The following POU2F1 variants were observed in gnomAD, a reference collection of about 807,000 sequenced individuals.
The protein encoded by POU2F1 is POU domain, class 2, transcription factor 1.
Under a neutral mutation model 84.9 loss-of-function variants are expected in POU2F1, and 16 were observed. The observed-to-expected ratio is 0.19, with a 90% CI of 0.13 to 0.29. The LOEUF is 0.29. Among genes scored for constraint, POU2F1 ranks in the 10% least tolerant of loss-of-function variants. The pLI, the probability that POU2F1 is intolerant of heterozygous loss-of-function variation, is 1.00. For missense variants in POU2F1, 738 were observed against 942.6 expected (o/e 0.78, Z 2.84); for synonymous variants, 368 against 368.3 (o/e 1.00, Z 0.01).
intron 9 of POU2F1, among the ~76,000 whole-genome samples, chr1:167,395,772 T>G (rs147379414): frequency 6.6e-6 from 1 of 152,106 alleles, no homozygotes; most frequent in Non-Finnish European, 1.5e-5. Flanking sequence ...ACCTGCCTAA[T>G]ATTTGTATTT....
intron 2 of POU2F1, among the ~76,000 whole-genome samples, chr1:167,360,964 T>G (rs985664722): frequency 7.2e-5 from 11 of 152,076 alleles, no homozygotes; most frequent in Non-Finnish European, 8.8e-5. Flanking sequence ...ATTTTTTATT[T>G]TTTTCAATTT....
chr1:167,391,519 G>A (rs1219900745), intron 9 of POU2F1, among the ~76,000 whole-genome samples: 1 of 146,188 alleles, frequency 6.8e-6, no homozygotes, highest in Admixed American at 6.8e-5. Context: ...TGTACTATGG[G>A]TGTTTTTAAG....
rs76743336 is a variant in POU2F1 at position 167,247,554 on chromosome 1, G to A, written c.61+26596G>A. Among the ~76,000 whole-genome samples, 8 of 152,102 alleles carry A rather than the reference G, an allele frequency of 5.3e-5. No homozygotes were observed. In the East Asian group the frequency reaches 1.2e-3, roughly 22 times the overall value. On this transcript the variant is annotated intron_variant, in intron 1 of 15. Transcript: ENST00000367866. Reference sequence around the variant, plus strand: ...ATCCCCACTTGAGTTTCAGTTTTGAGCTATATAGTACTTACTAGGCTTCTA... The same window carrying A: ...ATCCCCACTTGAGTTTCAGTTTTGAACTATATAGTACTTACTAGGCTTCTA...
intron 4 of POU2F1, among the ~76,000 whole-genome samples, chr1:167,371,532 A>G (rs1449724281): frequency 1.3e-5 from 2 of 152,184 alleles, no homozygotes; most frequent in Non-Finnish European, 2.9e-5. Context: ...GAGATGGTAT[A>G]TGGAGAAGTT....
Position 167,388,275 on chromosome 1 carries a change from G to A in POU2F1, c.814-1313G>A, listed in dbSNP as rs1446250310. Among the ~76,000 whole-genome samples, 8 of 152,130 alleles carry A rather than the reference G, an allele frequency of 5.3e-5. No homozygotes were observed. The South Asian group carries it at 8.3e-4, about 16-fold the overall frequency. On this transcript the variant is annotated intron_variant, in intron 8 of 15. Coordinates refer to ENST00000367866, the MANE Select transcript of POU2F1 (RefSeq NM_002697.4). ...AGAGAAATACAAATTAAAGCAGCAG[G>A]GAACTACCATTTACTTCTTGAATTA...
chr1:167,249,402 G>A (rs2102399562), intron 1 of POU2F1, among the ~76,000 whole-genome samples: 1 of 152,356 alleles, frequency 6.6e-6, no homozygotes, highest in Non-Finnish European at 1.5e-5. Flanking sequence ...TTGCTAGGCA[G>A]TGTAGGGTTA....
At chr1:167,221,439 TG>T (rs1648165142) in intron 1 of POU2F1, among the ~76,000 whole-genome samples, 1 of 113,302 alleles carries the variant, frequency 8.8e-6, no homozygotes, top group African/African-American at 3.3e-5. Context: ...GGGCGCGGGG[TG>T]GGGGGCGTGA....
rs1449574077 is a variant in POU2F1, at chr1:167,423,228, T to G, written c.*7418T>G. ...CCTATAAATGTTTTGTTCCAAATGT[T>G]TTTATATATGGGCTCTAGGGAGTCA... is the stretch of plus-strand genomic sequence containing the variant. On this transcript the variant is annotated 3_prime_UTR_variant, in exon 16 of 16. Transcript: ENST00000367866. 1 of 152,188 alleles carries G rather than the reference T, an allele frequency of 6.6e-6. No homozygotes were observed. The highest frequency in any genetic ancestry group is 2.4e-5 in the African/African-American group (1 of 41,464). 9.4% of individuals were successfully genotyped at this position (152,188 alleles called of 1,614,324 possible).
intron 7 of POU2F1, among the ~76,000 whole-genome samples, chr1:167,377,528 A>C (rs1356531645): frequency 6.6e-6 from 1 of 152,216 alleles, no homozygotes; most frequent in Non-Finnish European, 1.5e-5. Context: ...CAGAGCTTGC[A>C]GTGAGCCAAG....
intron 1 of POU2F1, among the ~76,000 whole-genome samples, chr1:167,307,130 A>G (rs1211477924): frequency 6.6e-6 from 1 of 152,218 alleles, no homozygotes; most frequent in Non-Finnish European, 1.5e-5. Flanking sequence ...TTTCTAAAAT[A>G]TTAATAGAAT....
At chr1:167,283,314 A>G (rs1424467475) in intron 1 of POU2F1, among the ~76,000 whole-genome samples, 1 of 152,152 alleles carries the variant, frequency 6.6e-6, no homozygotes, top group Non-Finnish European at 1.5e-5. Flanking sequence ...GAGGAAAAAA[A>G]AAAGAGGAAG....
intron 1 of POU2F1, among the ~76,000 whole-genome samples, chr1:167,307,346 C>G (rs1402340308): frequency 1.3e-5 from 2 of 151,908 alleles, no homozygotes; most frequent in African/African-American, 2.4e-5. Flanking sequence ...CAAGAGCAAT[C>G]TGACAGTGGA....
At chr1:167,373,240 T>C (rs1179030891) in intron 5 of POU2F1, among the ~76,000 whole-genome samples, 1 of 152,200 alleles carries the variant, frequency 6.6e-6, no homozygotes, top group Non-Finnish European at 1.5e-5. Flanking sequence ...TTCCATCTTG[T>C]TTGATCAATC....
At chr1:167,289,129 TATTCCAA>T (rs1653737145) in intron 1 of POU2F1, among the ~76,000 whole-genome samples, 1 of 152,250 alleles carries the variant, frequency 6.6e-6, no homozygotes, top group Admixed American at 6.5e-5. Context: ...GAGCTGCCTT[TATTCCAA>T]ATCAATAAAT....
chr1:167,405,055 G>A (rs1649475115), intron 13 of POU2F1, among the ~76,000 whole-genome samples: 2 of 152,076 alleles, frequency 1.3e-5, no homozygotes, highest in African/African-American at 2.4e-5. Flanking sequence ...ATAGGTCCTT[G>A]GTAAACATTC....
chr1:167,392,943 C>G (rs185973568), intron 9 of POU2F1, among the ~76,000 whole-genome samples: 7 of 152,292 alleles, frequency 4.6e-5, no homozygotes, highest in African/African-American at 1.7e-4. Flanking sequence ...ACAAAAAAAG[C>G]TCTATTCTCT....
intron 1 of POU2F1, among the ~76,000 whole-genome samples, chr1:167,304,298 T>C (rs1490515677): frequency 6.6e-6 from 1 of 152,212 alleles, no homozygotes; most frequent in Non-Finnish European, 1.5e-5. Context: ...GAAACTTTTG[T>C]ATGTATTATT....
rs933331418 is a variant in POU2F1 at position 167,413,007 on chromosome 1, T to C, written c.1902-19T>C. On this transcript the variant is annotated intron_variant, in intron 14 of 15. Transcript: ENST00000367866. ...TGCGTCTGCATGGTAATAAAGTGAC[T>C]CCTCTTTTGGACTTGCAGAGGTGCC... The C allele has an allele frequency of 6.2e-7, 1 of 1,602,984 alleles. No homozygotes were observed. Among genetic ancestry groups the C allele is most frequent in the African/African-American group, 1.3e-5 (1 of 74,656 alleles).
rs1655693903 is a variant in POU2F1, at chr1:167,314,020, A to G, written c.62-18450A>G. Reference sequence around the variant, plus strand: ...AAGACCAGCCTGGCCAAGATGGTGAAACCTCGTCTCTACTGAAAATACAAA... The same window carrying G: ...AAGACCAGCCTGGCCAAGATGGTGAGACCTCGTCTCTACTGAAAATACAAA... On this transcript the variant is annotated intron_variant, in intron 1 of 15. Coordinates refer to ENST00000367866, the MANE Select transcript of POU2F1 (RefSeq NM_002697.4). Among the ~76,000 whole-genome samples the G allele has an allele frequency of 5.3e-5, 8 of 152,102 alleles. No individual in the cohort carries two copies. In the South Asian group the frequency reaches 1.7e-3, roughly 32 times the overall value.
Sources: gnomAD v4.1 joint callset for allele counts (sites outside exome capture counted in the v4.1 genomes callset) on GRCh38, gnomAD v4.1.1 for gene constraint, MANE v1.5 for transcripts, NCBI Gene and HGNC (gene_info 2026-07-23, HGNC 2026-07-21) for gene names.